Variants in ANKRD17 observed in about 807,000 individuals in gnomAD.
ANKRD17 encodes the protein ankyrin repeat domain 17.
Under a neutral mutation model 229.7 loss-of-function variants are expected in ANKRD17, and 19 were observed. The observed-to-expected ratio is 0.08, with a 90% CI of 0.06 to 0.12. The LOEUF is 0.12. Ranked by LOEUF, ANKRD17 falls within the 10% of genes least tolerant of loss-of-function variation. The pLI, the probability that ANKRD17 is intolerant of heterozygous loss-of-function variation, is 1.00. For missense variants in ANKRD17, 2,176 were observed against 3,176.8 expected (o/e 0.68, Z 7.57); for synonymous variants, 1,112 against 1,146.1 (o/e 0.97, Z 0.60).
rs149331584 is a variant in ANKRD17 at position 73,096,001 on chromosome 4, A to T, written c.5177+1116T>A. Among the ~76,000 whole-genome samples, 20 of 152,300 alleles carry T rather than the reference A, an allele frequency of 1.3e-4. No homozygotes were observed. The East Asian group carries it at 3.9e-3, about 29-fold the overall frequency. On this transcript the variant is annotated intron_variant, in intron 27 of 33. Coordinates refer to ENST00000358602, the MANE Select transcript of ANKRD17 (RefSeq NM_032217.5). ...CACAGGTGTCAGGCCCGAATTCCTG[A>T]TAAGCTGATTAAACAATATTTCTAA...
rs1731319282 is a variant in ANKRD17, at chr4:73,153,928, G to A, written c.1186C>T (p.His396Tyr). 1 of 1,609,502 alleles carries A rather than the reference G, an allele frequency of 6.2e-7. No individual in the cohort carries two copies. The highest frequency in any genetic ancestry group is 1.1e-5 in the South Asian group (1 of 90,402). The change falls in exon 6 of 34, where the codon CAT becomes TAT. Residue 396 changes from histidine (H) to tyrosine (Y), a missense_variant. By Grantham distance (83) the His-to-Tyr change is moderately conservative. Around this residue, in one of 18 missense-constraint regions of ANKRD17, gnomAD observed 184 missense variants for 357.8 expected, o/e 0.51. Transcript: ENST00000358602. ...GCACTCTCTTTAAATTCATTAGAAT[G>A]CGTATTAATGCCAGCCCCATTTTCT... ...LLENGAGINT[H>Y]SNEFKESALT...
In ANKRD17 at chr4:73,097,175, C is replaced by T. The variant is rs1723395109; in HGVS notation, c.5119G>A (p.Val1707Ile). ...TTTTGCCCACGCTTAGGACTTGCTA[C>T]TGTTAACTTCCCATTTGGAGAAGAA... ...PLSSPNGKLT[V>I]ASPKRGQKRE... The change falls in exon 27 of 34, where the codon GTA becomes ATA. Residue 1707 changes from valine to isoleucine, a missense_variant. This residue lies in a region of ANKRD17 where 98 missense variants were observed against 101.0 expected (regional missense o/e 0.97). Transcript: ENST00000358602. 6.2e-7 allele frequency: 1 copy of T among 1,612,392 alleles called. No individual in the cohort carries two copies. The highest frequency in any genetic ancestry group is 1.3e-5 in the African/African-American group (1 of 74,834).
At chr4:73,205,190 G>A (rs1681028025) in intron 1 of ANKRD17, among the ~76,000 whole-genome samples, 1 of 152,090 alleles carries the variant, frequency 6.6e-6, no homozygotes, top group South Asian at 2.1e-4. Context: ...GCCAAGTGTG[G>A]TGGCACACAG....
chr4:73,139,464 T>G (rs937779465), intron 15 of ANKRD17, 67 bp downstream of exon 15: 91 of 1,520,708 alleles, frequency 6.0e-5, no homozygotes, highest in Non-Finnish European at 7.8e-5. Flanking sequence ...GGCAAAAAAT[T>G]TGGGTACATT....
chr4:73,213,794 G>A (rs72663016), intron 1 of ANKRD17, among the ~76,000 whole-genome samples: 2,022 of 151,986 alleles, frequency 0.013, 24 homozygotes, highest in Non-Finnish European at 0.021. Context: ...TTTTTAAATA[G>A]AGGAAGATCT....
chr4:73,171,620 A>G (rs1029127610), intron 2 of ANKRD17, among the ~76,000 whole-genome samples: 5 of 152,246 alleles, frequency 3.3e-5, no homozygotes, highest in African/African-American at 1.2e-4. Context: ...GACCTTTCAG[A>G]AAGAAAAATC....
chr4:73,249,286 G>C (rs1356772808), intron 1 of ANKRD17, among the ~76,000 whole-genome samples: 1 of 152,004 alleles, frequency 6.6e-6, no homozygotes, highest in Admixed American at 6.6e-5. Flanking sequence ...TTTCTTTTGT[G>C]GGGGAAGATG....
rs779858840 is a variant in ANKRD17, at chr4:73,139,886, T to C, written c.2730A>G (p.Gly910=). The change falls in exon 15 of 34, where the codon GGA becomes GGG. Residue 910 remains glycine, a synonymous_variant. Coordinates refer to ENST00000358602, the MANE Select transcript of ANKRD17 (RefSeq NM_032217.5). ...QQQQQSCQHL[G]LLTPVGVGEQ... ...CTCCAACTCCAACAGGAGTTAGTAA[T>C]CCCAGGTGTTGGCAAGACTGTTGCT... The C allele has an allele frequency of 1.9e-6, 3 of 1,614,232 alleles. No individual in the cohort carries two copies. Among genetic ancestry groups the C allele is most frequent in the Non-Finnish European group, 8.5e-7 (1 of 1,180,044 alleles).
chr4:73,142,202 G>A, intron 13 of ANKRD17, 40 bp downstream of exon 13: 1 of 1,502,324 alleles, frequency 6.7e-7, no homozygotes, highest in Non-Finnish European at 8.8e-7. Flanking sequence ...TTAGGATAAA[G>A]AAGACATACC....
intron 1 of ANKRD17, among the ~76,000 whole-genome samples, chr4:73,213,199 C>A (rs1048104582): frequency 2.6e-5 from 4 of 152,026 alleles, no homozygotes; most frequent in Non-Finnish European, 4.4e-5. Flanking sequence ...AAATGCTGAA[C>A]ATATGACAAG....
chr4:73,252,521 C>T (rs1180778538), intron 1 of ANKRD17, among the ~76,000 whole-genome samples: 1 of 152,102 alleles, frequency 6.6e-6, no homozygotes, highest in Non-Finnish European at 1.5e-5. Flanking sequence ...GGTCACAGAA[C>T]TCTTTGAGGA....
At chr4:73,140,670 T>A (rs754158916) in intron 14 of ANKRD17, among the ~76,000 whole-genome samples, 4 of 152,186 alleles carry the variant, frequency 2.6e-5, no homozygotes, top group Admixed American at 1.3e-4. Flanking sequence ...ATTATTAGGG[T>A]GAAGAGGAAA....
chr4:73,193,949 A>T (rs1171546328), intron 1 of ANKRD17, among the ~76,000 whole-genome samples: 2 of 152,128 alleles, frequency 1.3e-5, no homozygotes, highest in Non-Finnish European at 2.9e-5. Context: ...ACAACAAAAA[A>T]ATCATCTTTT....
chr4:73,097,246 G>A lies in ANKRD17; in HGVS notation c.5048C>T (p.Thr1683Ile). 3.8e-6 allele frequency: 6 copies of A among 1,592,796 alleles called. No homozygotes were observed. The highest frequency in any genetic ancestry group is 5.1e-6 in the Non-Finnish European group (6 of 1,172,430). The change falls in exon 27 of 34, where the codon ACC (threonine) becomes ATC (isoleucine). Residue 1683 changes from threonine (T) to isoleucine (I), a missense_variant. Thr to Ile is a moderately conservative substitution (Grantham distance 89). This residue lies in a region of ANKRD17 where 98 missense variants were observed against 101.0 expected (regional missense o/e 0.97). Coordinates refer to ENST00000358602, the MANE Select transcript of ANKRD17 (RefSeq NM_032217.5). ...TGTACAAGTAGATAGAGAATTACTG[G>A]TCCCTTCACTGATAGTTTCTGACAA... ...IKLSETISEGTSNSLSTCTKS... is the reference protein window; with the variant it reads ...IKLSETISEGISNSLSTCTKS...
rs138580283 is a variant in ANKRD17, at chr4:73,210,088, T to TC, written c.394-32556_394-32555insG. On this transcript the variant is annotated intron_variant, in intron 1 of 33. Coordinates refer to ENST00000358602, the MANE Select transcript of ANKRD17 (RefSeq NM_032217.5). ...TTTAACATTTTATGGAGGCCCTACT[T>TC]AAGGCAATAAGGTAGAATATTGAAA... Among the ~76,000 whole-genome samples the TC allele has an allele frequency of 6.8e-3, 1,037 of 152,142 alleles. 11 individuals are homozygous for TC. Among genetic ancestry groups the TC allele is most frequent in the African/African-American group, 0.024 (1,006 of 41,514 alleles).
chr4:73,258,503 G>T lies in ANKRD17; in HGVS notation c.166C>A (p.Arg56=), dbSNP rs1228705396. The change falls in exon 1 of 34, where the codon CGA becomes AGA. Residue 56 remains arginine (R), a synonymous_variant. Transcript: ENST00000358602. ...TTCTTCAGGAGCAGGTCGCAGACTC[G>T]CACCATCCCACGAGGAGACGAGGCC... The part of the protein sequence containing the change: ...RSASSPRGMV[R]VCDLLLKKKP... The T allele has an allele frequency of 1.3e-6, 2 of 1,558,824 alleles. No homozygotes were observed. Among genetic ancestry groups the T allele is most frequent in the East Asian group, 2.4e-5 (1 of 41,806 alleles).
intron 1 of ANKRD17, among the ~76,000 whole-genome samples, chr4:73,206,949 G>A (rs900930951): frequency 2.0e-5 from 3 of 151,872 alleles, no homozygotes; most frequent in Non-Finnish European, 2.9e-5. Flanking sequence ...TCAGCCTCCC[G>A]AATAGCTGGG....
At chr4:73,100,576 C>A (rs1227510411) in intron 25 of ANKRD17, among the ~76,000 whole-genome samples, 1 of 151,450 alleles carries the variant, frequency 6.6e-6, no homozygotes, top group African/African-American at 2.4e-5. Context: ...TATTAAATTT[C>A]TTAATGTCGT....
At position 73,171,121 on chromosome 4, in the gene ANKRD17, G is replaced by A. The variant is rs185287581; in HGVS notation, c.547+6259C>T. ...TCTCACCTAGTACAGTCCCAGTGGTGGTGACCACAGGGGTACTTGTGTCAC... is the reference window on the plus strand; with the variant it reads ...TCTCACCTAGTACAGTCCCAGTGGTAGTGACCACAGGGGTACTTGTGTCAC... On this transcript the variant is annotated intron_variant, in intron 2 of 33. Transcript: ENST00000358602. Among the ~76,000 whole-genome samples, 131 of 150,478 alleles carry A rather than the reference G, an allele frequency of 8.7e-4. 1 individual carries two copies. The highest frequency in any genetic ancestry group is 1.3e-4 in the Non-Finnish European group (9 of 67,782).
Sources: allele counts gnomAD v4.1 joint callset (sites outside exome capture counted in the v4.1 genomes callset), GRCh38; gene constraint gnomAD v4.1.1; regional missense constraint gnomAD v4.1.1; transcripts MANE v1.5; gene names NCBI Gene and HGNC (gene_info 2026-07-23, HGNC 2026-07-21).